Variants in NPAS3 observed in about 807,000 individuals in gnomAD.
NPAS3 encodes neuronal PAS domain-containing protein 3.
NPAS3 carries 14 observed loss-of-function variants against 73.1 expected under a neutral mutation model. The observed-to-expected ratio is 0.19, with a 90% CI of 0.13 to 0.30. The LOEUF (loss-of-function observed/expected upper bound fraction) is 0.30. NPAS3 is among the 10% of genes least tolerant of loss of function. The pLI, the probability that NPAS3 is intolerant of heterozygous loss-of-function variation, is 1.00. For missense variants in NPAS3, 1,096 were observed against 1,250.0 expected, an observed-to-expected ratio of 0.88 and a Z score of 1.86; for synonymous variants, 620 against 541.5, an observed-to-expected ratio of 1.14 and a Z score of -2.01.
intron 3 of NPAS3, among the ~76,000 whole-genome samples, chr14:33,290,926 A>G (rs2042074929): frequency 1.3e-5 from 2 of 152,304 alleles, no homozygotes; most frequent in Non-Finnish European, 2.9e-5. Flanking sequence ...GAAGTAAAGC[A>G]GATTCTGGAT....
chr14:33,545,956 A>C (rs1365588740), intron 4 of NPAS3, among the ~76,000 whole-genome samples: 1 of 152,164 alleles, frequency 6.6e-6, no homozygotes, highest in African/African-American at 2.4e-5. Context: ...CAATGATCGC[A>C]GTCAAGGGAA....
At chr14:33,525,979 T>C (rs1414134302) in intron 4 of NPAS3, among the ~76,000 whole-genome samples, 1 of 151,968 alleles carries the variant, frequency 6.6e-6, no homozygotes, top group African/African-American at 2.4e-5. Context: ...AAAGGTAAGT[T>C]AGGGGAAAAA....
At chr14:33,337,327 C>T (rs1339653176) in intron 3 of NPAS3, among the ~76,000 whole-genome samples, 1 of 151,976 alleles carries the variant, frequency 6.6e-6, no homozygotes, top group Admixed American at 6.6e-5. Context: ...CCAATTGTTC[C>T]AGAAACATTG....
chr14:33,332,918 A>G (rs1299972824), intron 3 of NPAS3, among the ~76,000 whole-genome samples: 1 of 152,228 alleles, frequency 6.6e-6, no homozygotes. Context: ...GCTTTCCCTA[A>G]CAATTAGATA....
chr14:33,715,297 G>C (rs985709941), intron 6 of NPAS3, among the ~76,000 whole-genome samples: 1 of 152,154 alleles, frequency 6.6e-6, no homozygotes, highest in Admixed American at 6.5e-5. Flanking sequence ...TTGAGTCCTT[G>C]AAAGTAAACC....
intron 1 of NPAS3, among the ~76,000 whole-genome samples, chr14:32,988,935 A>G (rs1356956917): frequency 1.3e-5 from 2 of 152,226 alleles, no homozygotes; most frequent in East Asian, 1.9e-4. Context: ...GAGTACCACT[A>G]TACCACAGCC....
chr14:33,748,250 A>G (rs151225704), intron 7 of NPAS3, among the ~76,000 whole-genome samples: 22 of 152,316 alleles, frequency 1.4e-4, no homozygotes, highest in African/African-American at 5.3e-4. Context: ...TATGTAGCCA[A>G]TGGAATTATA....
At chr14:33,768,225 G>C (rs2062527988) in intron 7 of NPAS3, among the ~76,000 whole-genome samples, 1 of 152,164 alleles carries the variant, frequency 6.6e-6, no homozygotes, top group African/African-American at 2.4e-5. Context: ...AAAAATATGA[G>C]CTTTAGCATT....
At chr14:33,772,113 A>G (rs2062673398) in intron 7 of NPAS3, among the ~76,000 whole-genome samples, 1 of 152,212 alleles carries the variant, frequency 6.6e-6, no homozygotes, top group South Asian at 2.1e-4. Flanking sequence ...AAAAACACCA[A>G]ATTAATACTT....
intron 3 of NPAS3, among the ~76,000 whole-genome samples, chr14:33,299,446 G>C (rs554134008): frequency 5.1e-4 from 77 of 152,186 alleles, no homozygotes; most frequent in Non-Finnish European, 7.9e-4. Flanking sequence ...AGCTTCGGTG[G>C]TATTGGCAGC....
chr14:33,281,909 G>A (rs891993005), intron 3 of NPAS3, among the ~76,000 whole-genome samples: 2 of 152,088 alleles, frequency 1.3e-5, no homozygotes, highest in African/African-American at 2.4e-5. Flanking sequence ...GAGGCCAGTC[G>A]TTTGTGAGTA....
chr14:33,254,007 C>T (rs1224509543), intron 3 of NPAS3, among the ~76,000 whole-genome samples: 1 of 152,074 alleles, frequency 6.6e-6, no homozygotes, highest in African/African-American at 2.4e-5. Flanking sequence ...GGAAGTTAAC[C>T]TCACATTCTA....
intron 6 of NPAS3, among the ~76,000 whole-genome samples, chr14:33,684,736 C>A (rs898860143): frequency 1.3e-5 from 2 of 152,318 alleles, no homozygotes; most frequent in African/African-American, 4.8e-5. Context: ...AGGATCACAG[C>A]CAACATCACC....
intron 3 of NPAS3, among the ~76,000 whole-genome samples, chr14:33,348,759 A>G (rs1587508): frequency 0.042 from 6,438 of 152,174 alleles, 396 homozygotes; most frequent in African/African-American, 0.14. Context: ...GCAGTTACAC[A>G]CAGAGAAGCT....
In NPAS3 at chr14:33,249,921, C is replaced by T. The variant is rs1011915533; in HGVS notation, c.385+34495C>T. Among the ~76,000 whole-genome samples, 24 of 151,940 alleles carry T rather than the reference C, an allele frequency of 1.6e-4. No individual in the cohort carries two copies. The East Asian group carries it at 4.7e-3, about 29-fold the overall frequency. On this transcript the variant is annotated intron_variant, in intron 3 of 11. Transcript: ENST00000356141. ...CAAATCTGTCATACACACACACACA[C>T]ACACACACACACACACCCCTACATA...
At chr14:32,992,709 CATT>C (rs2038384971) in intron 1 of NPAS3, among the ~76,000 whole-genome samples, 1 of 151,990 alleles carries the variant, frequency 6.6e-6, no homozygotes, top group Admixed American at 6.6e-5. Flanking sequence ...TTATTGAAAA[CATT>C]ATAGGAAACA....
chr14:33,643,637 A>C (rs2058741239), intron 5 of NPAS3, among the ~76,000 whole-genome samples: 1 of 152,134 alleles, frequency 6.6e-6, no homozygotes, highest in Non-Finnish European at 1.5e-5. Context: ...GTAGCACAGA[A>C]TTTTCTGAGA....
chr14:33,072,693 G>A (rs904517735), intron 2 of NPAS3, among the ~76,000 whole-genome samples: 2 of 152,190 alleles, frequency 1.3e-5, no homozygotes, highest in African/African-American at 4.8e-5. Context: ...GAAATAGCAG[G>A]GGATGCTGTG....
At chr14:33,545,493 C>T (rs373456126) in intron 4 of NPAS3, among the ~76,000 whole-genome samples, 26 of 152,112 alleles carry the variant, frequency 1.7e-4, no homozygotes, top group African/African-American at 5.8e-4. Flanking sequence ...TTACATTTTC[C>T]TATGAGAAAA....
Sources: allele counts gnomAD v4.1 joint callset (sites outside exome capture counted in the v4.1 genomes callset), GRCh38; gene constraint gnomAD v4.1.1; transcripts MANE v1.5; gene names NCBI Gene and HGNC (gene_info 2026-07-23, HGNC 2026-07-21).